NUP50: variants seen among roughly 807,000 people sequenced by gnomAD.
NUP50 encodes nucleoporin 50.
Under a neutral mutation model 36.8 loss-of-function variants are expected in NUP50, and 14 were observed. That is an observed-to-expected ratio of 0.38 (90% CI 0.25 to 0.59). NUP50 has a LOEUF of 0.59. Among genes scored for constraint, NUP50 ranks in the 20% least tolerant of loss-of-function variants. NUP50 has a pLI of 0.63. For missense variants in NUP50, 455 were observed against 564.6 expected, an observed-to-expected ratio of 0.81 and a Z score of 1.97; for synonymous variants, 195 against 210.8, an observed-to-expected ratio of 0.93 and a Z score of 0.65.
In NUP50 at chr22:45,186,070, A is replaced by T. The variant is rs530773463; in HGVS notation, c.*1415A>T. On this transcript the variant is annotated 3_prime_UTR_variant, in exon 8 of 8. Coordinates refer to ENST00000347635, the MANE Select transcript of NUP50 (RefSeq NM_007172.4). ...AGGTGTAAGGTTTGGCGCCGGGAGCAATTTTATGATCAAATATGATGAACT... is the reference window on the plus strand; with the variant it reads ...AGGTGTAAGGTTTGGCGCCGGGAGCTATTTTATGATCAAATATGATGAACT... 1 of 152,232 alleles carries T rather than the reference A, an allele frequency of 6.6e-6. No individual in the cohort carries two copies. The highest frequency in any genetic ancestry group is 6.5e-5 in the Admixed American group (1 of 15,274). 9.4% of individuals were successfully genotyped at this position (152,232 alleles called of 1,614,324 possible).
At chr22:45,175,113 A>G (rs1486334041) in intron 3 of NUP50, among the ~76,000 whole-genome samples, 2 of 152,196 alleles carry the variant, frequency 1.3e-5, no homozygotes, top group East Asian at 1.9e-4. Flanking sequence ...AAGGGCTTCT[A>G]AAAATTGTGG....
chr22:45,181,145 C>CCCCCCA (rs1243687213), intron 5 of NUP50, 141 bp from the exon 6 acceptor site: 25 of 174,668 alleles, frequency 1.4e-4, no homozygotes, highest in African/African-American at 6.8e-4. Flanking sequence ...TCCCCCCCCC[C>CCCCCCA]CCCCATTAAG....
rs1441946292 is a variant in NUP50 at position 45,185,487 on chromosome 22, AG to A, written c.*833del. The A allele has an allele frequency of 6.6e-6, 1 of 152,184 alleles. No homozygotes were observed. Among genetic ancestry groups the A allele is most frequent in the Non-Finnish European group, 1.5e-5 (1 of 68,034 alleles). The allele number at this position is 152,184 out of a possible 1,614,324, so 9.4% of individuals were successfully genotyped here. A position where few individuals can be genotyped will look rare whatever the true frequency, so the allele number is the denominator to read the frequency against. On this transcript the variant is annotated 3_prime_UTR_variant, in exon 8 of 8. Coordinates refer to ENST00000347635, the MANE Select transcript of NUP50 (RefSeq NM_007172.4). Reference sequence around the variant, plus strand: ...AATGAAAGTCAAATGAGACCATCCGAGAAAAAGATGCGCATAGGCATTTGTA... The same window carrying A: ...AATGAAAGTCAAATGAGACCATCCGAAAAAAGATGCGCATAGGCATTTGTA...
chr22:45,173,608 G>A (rs755991639), intron 3 of NUP50, among the ~76,000 whole-genome samples: 4 of 152,168 alleles, frequency 2.6e-5, no homozygotes, highest in Non-Finnish European at 4.4e-5. Flanking sequence ...GGCAGCTTTC[G>A]TCATGTGGGG....
At chr22:45,172,988 T>C (rs1325976558) in intron 3 of NUP50, among the ~76,000 whole-genome samples, 4 of 152,206 alleles carry the variant, frequency 2.6e-5, no homozygotes, top group African/African-American at 2.4e-5. Flanking sequence ...TGAACGTCTT[T>C]AGGATGCCAT....
chr22:45,182,815 G>A (rs1449935697), intron 6 of NUP50, among the ~76,000 whole-genome samples: 6 of 151,686 alleles, frequency 4.0e-5, no homozygotes, highest in Non-Finnish European at 8.8e-5. Context: ...TAGTAGAGAC[G>A]GGGTTTCACC....
intron 3 of NUP50, 153 bp downstream of exon 3, chr22:45,171,836 AC>A: frequency 1.6e-6 from 1 of 623,726 alleles, no homozygotes; most frequent in Non-Finnish European, 2.8e-6. Context: ...AAAATAAGAA[AC>A]GTCAGGTCTG....
At chr22:45,176,154 T>G in intron 4 of NUP50, 74 bp downstream of exon 4, 1 of 1,478,548 alleles carries the variant, frequency 6.8e-7, no homozygotes, top group Non-Finnish European at 9.2e-7. Context: ...GATGTTTTTC[T>G]TATAGCTACC....
chr22:45,178,241 C>T lies in NUP50; in HGVS notation c.344C>T (p.Ser115Phe), dbSNP rs751467482. 1 of 1,611,756 alleles carries T rather than the reference C, an allele frequency of 6.2e-7. No homozygotes were observed. The highest frequency in any genetic ancestry group is 1.7e-5 in the Admixed American group (1 of 59,736). The change falls in exon 5 of 8, where the codon TCT becomes TTT. Residue 115 changes from serine (S) to phenylalanine (F), a missense_variant. Ser to Phe is a radical substitution (Grantham distance 155). This residue lies in a region of NUP50 where 166 missense variants were observed against 202.8 expected (regional missense o/e 0.82). Transcript: ENST00000347635. Reference protein sequence around the residue: ...AAADPKVAFGSLAANGPTTLV... With the variant: ...AAADPKVAFGFLAANGPTTLV... ...TTCAATTATTAACTTTCTATAGGTTCTCTTGCTGCAAATGGCCCTACCACC... is the reference window on the plus strand; with the variant it reads ...TTCAATTATTAACTTTCTATAGGTTTTCTTGCTGCAAATGGCCCTACCACC...
intron 2 of NUP50, chr22:45,170,975 T>G: frequency 7.7e-7 from 1 of 1,303,704 alleles, no homozygotes. Context: ...AATATTTTAT[T>G]CCGACCCTAC....
chr22:45,169,120 T>G (rs2074143675), intron 2 of NUP50, among the ~76,000 whole-genome samples: 1 of 152,176 alleles, frequency 6.6e-6, no homozygotes, highest in Non-Finnish European at 1.5e-5. Flanking sequence ...CAGACTGGTC[T>G]CAAACTCCTG....
At chr22:45,170,169 C>A (rs771930314) in intron 2 of NUP50, among the ~76,000 whole-genome samples, 20 of 152,086 alleles carry the variant, frequency 1.3e-4, no homozygotes, top group Non-Finnish European at 2.8e-4. Context: ...ATCCTCCTCA[C>A]CCTGCTCCCT....
intron 2 of NUP50, among the ~76,000 whole-genome samples, chr22:45,168,774 T>C (rs2074135466): frequency 6.6e-6 from 1 of 152,138 alleles, no homozygotes. Flanking sequence ...GGAATAGAAT[T>C]GAGATTGGCC....
At position 45,172,623 on chromosome 22, in the gene NUP50, G is replaced by A. The variant is rs61161723; in HGVS notation, c.153+940G>A. ...TTTTATTTCCAAAAAAAAAGGATAG[G>A]AAAGGTGTATCATTCACACTTTGAG... On this transcript the variant is annotated intron_variant, in intron 3 of 7. Transcript: ENST00000347635. Among the ~76,000 whole-genome samples, 1,508 of 152,256 alleles carry A rather than the reference G, an allele frequency of 9.9e-3. 91 individuals are homozygous for A. In the East Asian group the frequency reaches 0.14, roughly 14 times the overall value.
rs1242408918 is a variant in NUP50 at position 45,187,850 on chromosome 22, G to A, written c.*3195G>A. 6.6e-6 allele frequency: 1 copy of A among 152,526 alleles called. No individual in the cohort carries two copies. Among genetic ancestry groups the A allele is most frequent in the African/African-American group, 2.4e-5 (1 of 41,410 alleles). 9.4% of individuals were successfully genotyped at this position (152,526 alleles called of 1,614,324 possible). A position where few individuals can be genotyped will look rare whatever the true frequency, so the allele number is the denominator to read the frequency against. ...ATGTAAAACTTCTTAGCAATCAGATGGATAAATTGTTTGCTTTTTACTTTA... is the reference window on the plus strand; with the variant it reads ...ATGTAAAACTTCTTAGCAATCAGATAGATAAATTGTTTGCTTTTTACTTTA... On this transcript the variant is annotated 3_prime_UTR_variant, in exon 8 of 8. Coordinates refer to ENST00000347635, the MANE Select transcript of NUP50 (RefSeq NM_007172.4).
At chr22:45,170,845 A>C in intron 2 of NUP50, 1 of 397,636 alleles carries the variant, frequency 2.5e-6, no homozygotes, top group South Asian at 2.3e-5. Context: ...GAAAGATTAC[A>C]TTTAGTTAAG....
At chr22:45,183,942 G>T (rs2074425388) in intron 7 of NUP50, 1 of 213,586 alleles carries the variant, frequency 4.7e-6, no homozygotes, top group Non-Finnish European at 9.5e-6. Context: ...GCCTGCGGTG[G>T]AGCGGGCAGT....
At chr22:45,174,564 G>C (rs1459868037) in intron 3 of NUP50, among the ~76,000 whole-genome samples, 1 of 152,038 alleles carries the variant, frequency 6.6e-6, no homozygotes, top group African/African-American at 2.4e-5. Flanking sequence ...TTTTTGTTGT[G>C]ATTCTAGAGC....
In NUP50 at chr22:45,182,374, A is replaced by G. The variant is rs140678899; in HGVS notation, c.1085+1007A>G. Among the ~76,000 whole-genome samples the G allele has an allele frequency of 4.6e-3, 693 of 152,246 alleles. 3 individuals are homozygous for G. The highest frequency in any genetic ancestry group is 0.016 in the African/African-American group (648 of 41,550). Reference sequence around the variant, plus strand: ...GAGAATTGCTTGAACCCTGAGAAGCAGAGGTTGCAGTGAGCCAAGATCATG... The same window carrying G: ...GAGAATTGCTTGAACCCTGAGAAGCGGAGGTTGCAGTGAGCCAAGATCATG... On this transcript the variant is annotated intron_variant, in intron 6 of 7. Coordinates refer to ENST00000347635, the MANE Select transcript of NUP50 (RefSeq NM_007172.4).
Sources: allele counts gnomAD v4.1 joint callset (sites outside exome capture counted in the v4.1 genomes callset), GRCh38; gene constraint gnomAD v4.1.1; regional missense constraint gnomAD v4.1.1; transcripts MANE v1.5; gene names NCBI Gene and HGNC (gene_info 2026-07-23, HGNC 2026-07-21).